The following RELN variants were observed in gnomAD, a reference collection of about 807,000 sequenced individuals.
RELN encodes the protein reelin.
A neutral mutation model predicts 427.6 loss-of-function variants in RELN; 108 were observed. That is an observed-to-expected ratio of 0.25 (90% CI 0.22 to 0.30). The LOEUF is 0.30. RELN is among the 10% of genes least tolerant of loss of function. The pLI, the probability that RELN is intolerant of heterozygous loss-of-function variation, is 1.00. For missense variants in RELN, 3,715 were observed against 4,302.8 expected, an observed-to-expected ratio of 0.86 and a Z score of 3.82; for synonymous variants, 1,524 against 1,513.4, an observed-to-expected ratio of 1.01 and a Z score of -0.16.
intron 6 of RELN, among the ~76,000 whole-genome samples, chr7:103,734,181 G>A (rs958466760): frequency 6.6e-6 from 1 of 152,160 alleles, no homozygotes; most frequent in Non-Finnish European, 1.5e-5. Flanking sequence ...TCAGGAAAAT[G>A]TTGGGCTTTG....
intron 1 of RELN, among the ~76,000 whole-genome samples, chr7:103,919,640 A>G (rs10236223): frequency 0.047 from 7,225 of 152,146 alleles, 460 homozygotes; most frequent in East Asian, 0.19. Context: ...ATGTGACTCC[A>G]CACGCGCACC....
chr7:103,820,039 T>A (rs1486770108), intron 3 of RELN, among the ~76,000 whole-genome samples: 1 of 151,956 alleles, frequency 6.6e-6, no homozygotes, highest in Non-Finnish European at 1.5e-5. Context: ...AAATATACAA[T>A]AATAAAATCT....
intron 52 of RELN, among the ~76,000 whole-genome samples, chr7:103,502,025 A>T (rs1342162796): frequency 1.3e-5 from 2 of 152,234 alleles, no homozygotes; most frequent in Non-Finnish European, 2.9e-5. Flanking sequence ...TGCCGTGGAC[A>T]GCAGATATTC....
intron 3 of RELN, among the ~76,000 whole-genome samples, chr7:103,790,073 C>T (rs1792121486): frequency 6.6e-6 from 1 of 152,140 alleles, no homozygotes; most frequent in Non-Finnish European, 1.5e-5. Context: ...TCTCAGCAAA[C>T]TAACACAGGA....
chr7:103,484,941 G>A (rs1438357804), intron 61 of RELN, among the ~76,000 whole-genome samples: 2 of 152,184 alleles, frequency 1.3e-5, no homozygotes, highest in Non-Finnish European at 2.9e-5. Context: ...TCTGAACCAT[G>A]TCTGCTATTC....
chr7:103,564,093 C>T (rs1830694939), intron 34 of RELN, among the ~76,000 whole-genome samples: 1 of 152,110 alleles, frequency 6.6e-6, no homozygotes, highest in South Asian at 2.1e-4. Context: ...TACCAGAGTG[C>T]TTAAAACACA....
At chr7:103,560,645 G>C (rs1223829720) in intron 36 of RELN, among the ~76,000 whole-genome samples, 1 of 152,074 alleles carries the variant, frequency 6.6e-6, no homozygotes, top group Admixed American at 6.6e-5. Flanking sequence ...AACAAATCCC[G>C]CTGCCCCCAA....
intron 3 of RELN, among the ~76,000 whole-genome samples, chr7:103,800,845 A>C (rs1054441502): frequency 6.6e-5 from 10 of 152,218 alleles, no homozygotes; most frequent in Admixed American, 6.5e-5. Flanking sequence ...ACAAAGGGCT[A>C]ATATACAGAA....
intron 1 of RELN, among the ~76,000 whole-genome samples, chr7:103,961,976 T>G (rs1796566227): frequency 6.6e-6 from 1 of 152,146 alleles, no homozygotes; most frequent in Non-Finnish European, 1.5e-5. Context: ...TTTTAAAAGT[T>G]TTAGGGGTGA....
At chr7:103,892,104 T>A (rs1481818501) in intron 2 of RELN, among the ~76,000 whole-genome samples, 1 of 152,204 alleles carries the variant, frequency 6.6e-6, no homozygotes, top group Non-Finnish European at 1.5e-5. Context: ...TCACTCATAT[T>A]CCAAATGATG....
intron 33 of RELN, 144 bp downstream of exon 33, chr7:103,566,080 T>C (rs1830744018): frequency 2.8e-6 from 2 of 723,886 alleles, no homozygotes; most frequent in Non-Finnish European, 4.8e-6. Flanking sequence ...CTTAGCACAA[T>C]AAAACTTTTT....
intron 22 of RELN, 132 bp downstream of exon 22, chr7:103,610,558 TAAAAA>T: frequency 1.5e-6 from 1 of 666,580 alleles, no homozygotes; most frequent in Admixed American, 2.3e-5. Flanking sequence ...GATAATAAAA[TAAAAA>T]GAATAAACAT....
At chr7:103,619,325 T>C (rs1209740416) in intron 20 of RELN, among the ~76,000 whole-genome samples, 1 of 152,136 alleles carries the variant, frequency 6.6e-6, no homozygotes, top group East Asian at 1.9e-4. Flanking sequence ...AACTGGGCTA[T>C]GTGCACTTAC....
chr7:103,513,300 G>A (rs1044593007), intron 50 of RELN: 1 of 152,122 alleles, frequency 6.6e-6, no homozygotes, highest in African/African-American at 2.4e-5. Context: ...AGACAGATAG[G>A]AGCCAGAAAA....
intron 20 of RELN, among the ~76,000 whole-genome samples, chr7:103,628,520 A>G (rs904510681): frequency 1.3e-5 from 2 of 152,232 alleles, no homozygotes; most frequent in African/African-American, 2.4e-5. Flanking sequence ...CTTCCATTCC[A>G]TTAGCTGTCA....
chr7:103,950,490 T>C (rs1037400320), intron 1 of RELN, among the ~76,000 whole-genome samples: 1 of 152,314 alleles, frequency 6.6e-6, no homozygotes, highest in African/African-American at 2.4e-5. Context: ...AAAAGGCATA[T>C]AAAACACTAA....
chr7:103,536,226 C>T (rs1830047436), intron 45 of RELN, among the ~76,000 whole-genome samples: 1 of 152,174 alleles, frequency 6.6e-6, no homozygotes, highest in Admixed American at 6.5e-5. Context: ...GAATATGTGC[C>T]AATGCATGCC....
chr7:103,664,328 A>C (rs1401130183), intron 11 of RELN, among the ~76,000 whole-genome samples: 1 of 152,170 alleles, frequency 6.6e-6, no homozygotes, highest in Non-Finnish European at 1.5e-5. Context: ...AGCCTTTCTT[A>C]ACTGGTGTCT....
intron 46 of RELN, among the ~76,000 whole-genome samples, chr7:103,530,142 C>A (rs780885537): frequency 1.3e-5 from 2 of 152,162 alleles, no homozygotes; most frequent in Non-Finnish European, 2.9e-5. Flanking sequence ...GGTCTCAGAT[C>A]TTCATGTCTC....
Sources: allele counts gnomAD v4.1 joint callset (sites outside exome capture counted in the v4.1 genomes callset), GRCh38; gene constraint gnomAD v4.1.1; transcripts MANE v1.5; gene names NCBI Gene and HGNC (gene_info 2026-07-23, HGNC 2026-07-21).